ARMH3: variants seen among roughly 807,000 people sequenced by gnomAD.
The protein encoded by ARMH3 is armadillo-like helical domain-containing protein 3.
In ARMH3, 60 loss-of-function variants were observed where a neutral mutation model predicts 99.1. That is an observed-to-expected ratio of 0.61 (90% confidence interval 0.49 to 0.75). The LOEUF (loss-of-function observed/expected upper bound fraction) is 0.75, where lower values mean the gene tolerates loss of function less well. ARMH3 is among the 30% of genes least tolerant of loss of function. The probability of loss-of-function intolerance (pLI) is 0.00; values close to 1 mark genes in which losing one functional copy is unlikely to be tolerated. For missense variants in ARMH3, 679 were observed against 843.1 expected, an observed-to-expected ratio of 0.81 and a Z score of 2.41; for synonymous variants, 285 against 292.8, an observed-to-expected ratio of 0.97 and a Z score of 0.27.
chr10:102,037,888 C>A (rs1338195635), intron 2 of ARMH3, among the ~76,000 whole-genome samples: 1 of 151,990 alleles, frequency 6.6e-6, no homozygotes, highest in Non-Finnish European at 1.5e-5. Flanking sequence ...CCACACCCAG[C>A]CACTTAATGG....
intron 10 of ARMH3, 100 bp from the exon 11 acceptor site, chr10:102,011,883 C>CT: frequency 1.1e-6 from 1 of 891,060 alleles, no homozygotes; most frequent in Non-Finnish European, 1.7e-6. Flanking sequence ...TTAAAATTCT[C>CT]TGACTCCAGA....
At chr10:101,976,605 T>G (rs553266068) in intron 19 of ARMH3, among the ~76,000 whole-genome samples, 145 of 152,288 alleles carry the variant, frequency 9.5e-4, no homozygotes, top group Non-Finnish European at 1.9e-3. Context: ...AGTGGTATAG[T>G]GACATGGAAT....
At chr10:102,002,702 T>C (rs2066390327) in intron 14 of ARMH3, among the ~76,000 whole-genome samples, 1 of 152,178 alleles carries the variant, frequency 6.6e-6, no homozygotes, top group Non-Finnish European at 1.5e-5. Flanking sequence ...GGCTCACGCC[T>C]GTAATCCCAG....
chr10:101,877,609 T>C (rs1227574794), intron 24 of ARMH3, among the ~76,000 whole-genome samples: 1 of 152,102 alleles, frequency 6.6e-6, no homozygotes, highest in Non-Finnish European at 1.5e-5. Context: ...TGAGCTGTGA[T>C]TGTGCCACTG....
chr10:101,993,457 G>A lies in ARMH3; in HGVS notation c.1275+81C>T, dbSNP rs922871236. ...CAACTTTCCACCCACATTTGTTCTA[G>A]TAAGATCAATTTCATCCCAACCCTG... On this transcript the variant is annotated intron_variant, in intron 17 of 25. Transcript: ENST00000370033. 7 of 1,083,898 alleles carry A rather than the reference G, an allele frequency of 6.5e-6. No individual in the cohort carries two copies. In the African/African-American group the frequency reaches 8.0e-5, roughly 12 times the overall value. 67.1% of individuals were successfully genotyped at this position (1,083,898 alleles called of 1,614,324 possible).
intron 24 of ARMH3, among the ~76,000 whole-genome samples, chr10:101,872,964 GAA>G (rs879419643): frequency 7.5e-6 from 1 of 133,072 alleles, no homozygotes. Flanking sequence ...TCCCAAAAAA[GAA>G]AAAAAAAAAG....
intron 22 of ARMH3, among the ~76,000 whole-genome samples, chr10:101,947,933 C>A (rs1844620394): frequency 6.6e-6 from 1 of 151,950 alleles, no homozygotes; most frequent in African/African-American, 2.4e-5. Flanking sequence ...CTTAGAGTAA[C>A]TGCTAAAAAA....
intron 20 of ARMH3, among the ~76,000 whole-genome samples, chr10:101,968,921 T>G (rs775283751): frequency 9.2e-5 from 14 of 152,152 alleles, no homozygotes; most frequent in African/African-American, 1.2e-4. Context: ...ACATTCTAAT[T>G]TTGAGAGGAA....
chr10:101,864,233 AAGTC>A (rs1207863824), intron 24 of ARMH3, among the ~76,000 whole-genome samples: 5 of 152,160 alleles, frequency 3.3e-5, no homozygotes, highest in African/African-American at 1.2e-4. Flanking sequence ...GATCATTAAA[AAGTC>A]AGGAAACAGG....
chr10:101,994,477 T>C (rs1846963127), intron 16 of ARMH3, among the ~76,000 whole-genome samples: 1 of 152,090 alleles, frequency 6.6e-6, no homozygotes, highest in South Asian at 2.1e-4. Flanking sequence ...TGGGGAATAG[T>C]AAAGGGGGAG....
intron 12 of ARMH3, 92 bp from the exon 13 acceptor site, chr10:102,009,541 C>G: frequency 3.7e-6 from 4 of 1,080,844 alleles, no homozygotes; most frequent in Non-Finnish European, 5.6e-6. Flanking sequence ...TGCACCCCAG[C>G]GCCTCATTAT....
At chr10:101,883,501 G>A (rs939808822) in intron 24 of ARMH3, among the ~76,000 whole-genome samples, 2 of 152,028 alleles carry the variant, frequency 1.3e-5, no homozygotes, top group Non-Finnish European at 2.9e-5. Context: ...GAACCTCCCT[G>A]GAGAGCTCTT....
intron 23 of ARMH3, among the ~76,000 whole-genome samples, chr10:101,935,989 C>T (rs891778564): frequency 6.6e-6 from 1 of 152,072 alleles, no homozygotes; most frequent in Non-Finnish European, 1.5e-5. Context: ...AAGCTATTAG[C>T]GAAAGGCAAA....
chr10:102,020,301 A>C (rs911087335), intron 8 of ARMH3, among the ~76,000 whole-genome samples: 2 of 152,108 alleles, frequency 1.3e-5, no homozygotes, highest in African/African-American at 4.8e-5. Context: ...TTGGGAGGCC[A>C]AGGCAGGCAG....
chr10:101,926,097 A>G (rs1207750946), intron 23 of ARMH3, among the ~76,000 whole-genome samples: 2 of 152,206 alleles, frequency 1.3e-5, no homozygotes, highest in Non-Finnish European at 2.9e-5. Flanking sequence ...TGATCCAGGA[A>G]CTACTAACCT....
At position 102,008,144 on chromosome 10, in the gene ARMH3, C is replaced by T. The variant is rs551028309; in HGVS notation, c.954+1230G>A. 3.3e-5 allele frequency among the ~76,000 whole-genome samples: 5 copies of T among 152,250 alleles called. 1 individual carries two copies. Among genetic ancestry groups the T allele is most frequent in the East Asian group, 1.9e-4 (1 of 5,176 alleles). On this transcript the variant is annotated intron_variant, in intron 13 of 25. Transcript: ENST00000370033. ...TAGGATTTGGAGAGCAGATAAGAAACGAGTGAAAATAATAACTAAAGTCTC... is the reference window on the plus strand; with the variant it reads ...TAGGATTTGGAGAGCAGATAAGAAATGAGTGAAAATAATAACTAAAGTCTC...
At chr10:101,891,057 T>A (rs1211511668) in intron 23 of ARMH3, among the ~76,000 whole-genome samples, 1 of 152,080 alleles carries the variant, frequency 6.6e-6, no homozygotes, top group Non-Finnish European at 1.5e-5. Flanking sequence ...GTATTTTTTG[T>A]AGAGATGGGG....
chr10:101,857,316 G>C lies in ARMH3; in HGVS notation c.1861-7424C>G, dbSNP rs544655194. On this transcript the variant is annotated intron_variant, in intron 24 of 25. Coordinates refer to ENST00000370033, the MANE Select transcript of ARMH3 (RefSeq NM_024541.3). ...CTACTAAAAATACAAAAATTTGCCG[G>C]GAGTGGTGGCATGTGCCTGTAATCC... Among the ~76,000 whole-genome samples, 4 of 152,254 alleles carry C rather than the reference G, an allele frequency of 2.6e-5. No homozygotes were observed. The South Asian group carries it at 8.3e-4, about 32-fold the overall frequency.
At chr10:102,055,416 C>T (rs1183090897) in intron 1 of ARMH3, among the ~76,000 whole-genome samples, 1 of 152,210 alleles carries the variant, frequency 6.6e-6, no homozygotes, top group Non-Finnish European at 1.5e-5. Context: ...CAAGTTTCTG[C>T]TTCCCCATTC....
Sources: allele counts gnomAD v4.1 joint callset (sites outside exome capture counted in the v4.1 genomes callset), GRCh38; gene constraint gnomAD v4.1.1; transcripts MANE v1.5; gene names NCBI Gene and HGNC (gene_info 2026-07-23, HGNC 2026-07-21).